CDH20: variants seen among roughly 807,000 people sequenced by gnomAD.
CDH20 encodes cadherin-20.
Under a neutral mutation model 74.2 loss-of-function variants are expected in CDH20, and 29 were observed. The observed-to-expected ratio is 0.39, with a 90% CI of 0.29 to 0.53. The LOEUF is 0.53. Ranked by LOEUF, CDH20 falls within the 20% of genes least tolerant of loss-of-function variation. The pLI, the probability that CDH20 is intolerant of heterozygous loss-of-function variation, is 0.69. For synonymous variants in CDH20, 469 were observed against 405.4 expected, an observed-to-expected ratio of 1.16 and a Z score of -1.88; for missense variants, 988 against 1,048.3, an observed-to-expected ratio of 0.94 and a Z score of 0.79.
intron 6 of CDH20, among the ~76,000 whole-genome samples, chr18:61,523,810 G>T (rs1171209487): frequency 6.6e-6 from 1 of 152,024 alleles, no homozygotes; most frequent in Non-Finnish European, 1.5e-5. Flanking sequence ...GCTAACACAT[G>T]GACAGAAAAC....
rs1909951579 is a variant in CDH20 at position 61,466,086 on chromosome 18, C to CTATATATATATATATATAGCTA, written c.-152-24314_-152-24293dup. Among the ~76,000 whole-genome samples the CTATATATATATATATATAGCTA allele has an allele frequency of 1.4e-5, 2 of 142,310 alleles. 1 individual carries two copies. Among genetic ancestry groups the CTATATATATATATATATAGCTA allele is most frequent in the African/African-American group, 5.3e-5 (2 of 37,548 alleles). The allele number at this position is 142,310 out of a possible 152,430, so 93.4% of individuals were successfully genotyped here. ...TAAATATATATATTTTCTCATTAAG[C>CTATATATATATATATATAGCTA]TATATATATATATATATAGCTATTT... On this transcript the variant is annotated intron_variant, in intron 1 of 11. Coordinates refer to ENST00000262717, the MANE Select transcript of CDH20 (RefSeq NM_031891.4).
intron 1 of CDH20, among the ~76,000 whole-genome samples, chr18:61,347,319 T>TACACACACAC (rs33985303): frequency 1.3e-5 from 1 of 77,400 alleles, no homozygotes; most frequent in South Asian, 4.6e-4. Context: ...TATATATATA[T>TACACACACAC]ACACACACAC....
In CDH20 at chr18:61,554,640, T is replaced by C; in HGVS notation, c.2351T>C (p.Phe784Ser). The change falls in exon 12 of 12, where the codon TTC (phenylalanine) becomes TCC (serine). Residue 784 changes from phenylalanine (F) to serine (S), a missense_variant. Physicochemically the swap from Phe to Ser is radical, Grantham distance 155 (BLOSUM62 -2). Transcript: ENST00000262717. ...TTCCTGACGGACTGGGGGCCCCGCT[T>C]CCGGAAGCTGGCCGAGCTCTACGGG... is the stretch of plus-strand genomic sequence containing the variant. ...FDFLTDWGPR[F>S]RKLAELYGAS... 1 of 1,601,232 alleles carries C rather than the reference T, an allele frequency of 6.2e-7. No individual in the cohort carries two copies. The highest frequency in any genetic ancestry group is 1.1e-5 in the South Asian group (1 of 89,568).
intron 1 of CDH20, among the ~76,000 whole-genome samples, chr18:61,486,678 G>A (rs987926476): frequency 4.6e-5 from 7 of 151,992 alleles, no homozygotes; most frequent in African/African-American, 1.7e-4. Context: ...AAGCAAAAAT[G>A]ATAGCTTAAG....
chr18:61,514,063 G>T (rs1381304038), intron 6 of CDH20, among the ~76,000 whole-genome samples: 1 of 152,170 alleles, frequency 6.6e-6, no homozygotes, highest in Non-Finnish European at 1.5e-5. Context: ...CTAGATTGGG[G>T]AAGTTCTCCT....
intron 1 of CDH20, among the ~76,000 whole-genome samples, chr18:61,349,165 C>T (rs1910224994): frequency 6.6e-6 from 1 of 152,074 alleles, no homozygotes; most frequent in Admixed American, 6.6e-5. Context: ...CAATAAATGG[C>T]ATTTTGGCAA....
In CDH20 at chr18:61,489,714, A is replaced by T. The variant is rs554761256; in HGVS notation, c.-152-688A>T. 4.6e-5 allele frequency among the ~76,000 whole-genome samples: 7 copies of T among 152,240 alleles called. No homozygotes were observed. The South Asian group carries it at 1.5e-3, about 32-fold the overall frequency. The stretch of plus-strand genomic sequence containing the variant: ...AATAGCACTTTAAAGTCTGTTGTGA[A>T]GGATATAATGATCAACTGACCATTT... On this transcript the variant is annotated intron_variant, in intron 1 of 11. Coordinates refer to ENST00000262717, the MANE Select transcript of CDH20 (RefSeq NM_031891.4).
intron 1 of CDH20, among the ~76,000 whole-genome samples, chr18:61,378,714 T>TA (rs1486468052): frequency 6.6e-6 from 1 of 152,210 alleles, no homozygotes; most frequent in Admixed American, 6.5e-5. Flanking sequence ...TTTGTCTTAG[T>TA]AAAAGCTCTG....
chr18:61,374,761 A>C (rs1911158980), intron 1 of CDH20, among the ~76,000 whole-genome samples: 1 of 152,076 alleles, frequency 6.6e-6, no homozygotes, highest in African/African-American at 2.4e-5. Context: ...GATACAGGTC[A>C]CTAGATGCAC....
intron 1 of CDH20, among the ~76,000 whole-genome samples, chr18:61,414,175 T>G (rs1233399970): frequency 6.6e-6 from 1 of 152,076 alleles, no homozygotes; most frequent in African/African-American, 2.4e-5. Context: ...GTACTATAGA[T>G]AGCAAGAGAT....
At chr18:61,497,885 C>T (rs3931682) in intron 2 of CDH20, among the ~76,000 whole-genome samples, 38,925 of 151,996 alleles carry the variant, frequency 0.26, 5,510 homozygotes, top group East Asian at 0.47. Context: ...ATGCAAAGTG[C>T]TAACAACCCA....
At chr18:61,469,689 T>C (rs1169900336) in intron 1 of CDH20, among the ~76,000 whole-genome samples, 1 of 152,228 alleles carries the variant, frequency 6.6e-6, no homozygotes, top group African/African-American at 2.4e-5. Flanking sequence ...AGTATAAACA[T>C]ACGTATGTAT....
chr18:61,422,032 T>G (rs1301032243), intron 1 of CDH20, among the ~76,000 whole-genome samples: 1 of 152,152 alleles, frequency 6.6e-6, no homozygotes, highest in Non-Finnish European at 1.5e-5. Flanking sequence ...ACTTACTATC[T>G]AAAATAACAA....
chr18:61,357,956 A>G (rs978450823), intron 1 of CDH20, among the ~76,000 whole-genome samples: 4 of 151,686 alleles, frequency 2.6e-5, no homozygotes, highest in African/African-American at 9.7e-5. Context: ...CTCTGCCTAG[A>G]CTTCTCTTCC....
intron 1 of CDH20, among the ~76,000 whole-genome samples, chr18:61,422,178 C>T (rs1785602163): frequency 1.3e-5 from 2 of 152,106 alleles, no homozygotes; most frequent in African/African-American, 4.8e-5. Context: ...TGATTTCCTA[C>T]ACAAGCTTAA....
intron 1 of CDH20, among the ~76,000 whole-genome samples, chr18:61,349,411 T>A (rs1223341040): frequency 1.3e-5 from 2 of 152,200 alleles, no homozygotes. Flanking sequence ...GGTTGAGATG[T>A]ATGAATATGA....
At chr18:61,426,573 C>T (rs894106895) in intron 1 of CDH20, among the ~76,000 whole-genome samples, 1 of 152,142 alleles carries the variant, frequency 6.6e-6, no homozygotes, top group Non-Finnish European at 1.5e-5. Context: ...ACAGTTAAAT[C>T]GGTTCCTTTG....
chr18:61,524,086 G>C (rs1037861350), intron 6 of CDH20, among the ~76,000 whole-genome samples: 7 of 151,932 alleles, frequency 4.6e-5, no homozygotes, highest in African/African-American at 1.7e-4. Context: ...AAAGGACACT[G>C]TTAAGAGAAT....
At position 61,349,291 on chromosome 18, in the gene CDH20, G is replaced by C. The variant is rs556556255; in HGVS notation, c.-153+15464G>C. Among the ~76,000 whole-genome samples the C allele has an allele frequency of 3.9e-5, 6 of 152,212 alleles. No homozygotes were observed. In the East Asian group the frequency reaches 1.2e-3, roughly 29 times the overall value. Reference sequence around the variant, plus strand: ...TGAACAGGTGAATTTAAGCCCTAGAGATTGGTGCTTTCCCAGGGAAAACAG... The same window carrying C: ...TGAACAGGTGAATTTAAGCCCTAGACATTGGTGCTTTCCCAGGGAAAACAG... On this transcript the variant is annotated intron_variant, in intron 1 of 11. Transcript: ENST00000262717.
Sources: gnomAD v4.1 joint callset for allele counts (sites outside exome capture counted in the v4.1 genomes callset) on GRCh38, gnomAD v4.1.1 for gene constraint, MANE v1.5 for transcripts, NCBI Gene and HGNC (gene_info 2026-07-23, HGNC 2026-07-21) for gene names.